Variants in MED13L observed in about 807,000 individuals in gnomAD.
MED13L encodes the protein mediator of RNA polymerase II transcription subunit 13-like.
Under a neutral mutation model 220.9 loss-of-function variants are expected in MED13L, and 7 were observed. That is an observed-to-expected ratio of 0.03 (90% CI 0.02 to 0.06). The LOEUF (loss-of-function observed/expected upper bound fraction) is 0.06. Ranked by LOEUF, MED13L falls within the 10% of genes least tolerant of loss-of-function variation. The pLI is 1.00. For missense variants in MED13L, 1,965 were observed against 2,760.5 expected (o/e 0.71, Z 6.46); for synonymous variants, 1,011 against 1,015.2 (o/e 1.00, Z 0.08).
At chr12:116,021,117 C>T (rs1193887750) in intron 5 of MED13L, among the ~76,000 whole-genome samples, 2 of 152,110 alleles carry the variant, frequency 1.3e-5, no homozygotes, top group Non-Finnish European at 2.9e-5. Context: ...AGGACAGCAA[C>T]TGCCTTAGTA....
At chr12:116,275,022 T>C (rs1873694827) in intron 1 of MED13L, among the ~76,000 whole-genome samples, 1 of 151,540 alleles carries the variant, frequency 6.6e-6, no homozygotes, top group Admixed American at 6.6e-5. Flanking sequence ...AAAGAAATGA[T>C]ATACCCTAAA....
At chr12:116,013,511 A>G (rs1245943115) in intron 8 of MED13L, among the ~76,000 whole-genome samples, 1 of 152,202 alleles carries the variant, frequency 6.6e-6, no homozygotes, top group Non-Finnish European at 1.5e-5. Flanking sequence ...CATCCCCAAG[A>G]TATCTCATTA....
At chr12:116,166,855 AT>A (rs1247366756) in intron 2 of MED13L, among the ~76,000 whole-genome samples, 1 of 152,242 alleles carries the variant, frequency 6.6e-6, no homozygotes, top group African/African-American at 2.4e-5. Flanking sequence ...ACAGAGAAGG[AT>A]TTTAAAAATA....
intron 2 of MED13L, among the ~76,000 whole-genome samples, chr12:116,169,882 G>C (rs1040604474): frequency 3.3e-5 from 5 of 152,086 alleles, no homozygotes; most frequent in African/African-American, 1.2e-4. Context: ...CAGGGCGTGT[G>C]GCATGCCACC....
chr12:116,111,463 C>A lies in MED13L; in HGVS notation c.360G>T (p.Thr120=). ...GATTGTGGATCGCTTTGAAGAGCAG[C>A]GTCCTACATTCATAGGAAAGGCCAT... ...WENGLSYECR[T]LLFKAIHNLL... Residue 120 remains threonine (T), a synonymous_variant, in exon 3 of 31, where the codon ACG becomes ACT. Transcript: ENST00000281928. The A allele has an allele frequency of 1.9e-6, 3 of 1,610,476 alleles. No homozygotes were observed.
intron 4 of MED13L, among the ~76,000 whole-genome samples, chr12:116,066,960 G>A (rs1869988770): frequency 6.6e-6 from 1 of 152,042 alleles, no homozygotes; most frequent in Non-Finnish European, 1.5e-5. Flanking sequence ...AATAAGAAAT[G>A]TACAACCAAC....
intron 2 of MED13L, among the ~76,000 whole-genome samples, chr12:116,165,564 C>T (rs1168623933): frequency 3.3e-5 from 5 of 151,762 alleles, no homozygotes; most frequent in Admixed American, 6.6e-5. Context: ...CTCCTTACCT[C>T]GTGATCCCCC....
chr12:115,997,024 G>A lies in MED13L; in HGVS notation c.2776C>T (p.Pro926Ser). 1 of 1,613,660 alleles carries A rather than the reference G, an allele frequency of 6.2e-7. No individual in the cohort carries two copies. The highest frequency in any genetic ancestry group is 8.5e-7 in the Non-Finnish European group (1 of 1,179,618). Reference sequence around the variant, plus strand: ...TTGACAACTACCTTAATTTCCTCGGGCTTGGGACTTCCTAATCCATCTTCC... The same window carrying A: ...TTGACAACTACCTTAATTTCCTCGGACTTGGGACTTCCTAATCCATCTTCC... ...EVEDGLGSPK[P>S]EEIKDFSYVH... The change falls in exon 15 of 31, where the codon CCC becomes TCC. Residue 926 changes from proline (P) to serine (S), a missense_variant. Pro to Ser is a moderately conservative substitution (Grantham distance 74). Coordinates refer to ENST00000281928, the MANE Select transcript of MED13L (RefSeq NM_015335.5).
intron 4 of MED13L, among the ~76,000 whole-genome samples, chr12:116,088,052 C>T (rs1173106851): frequency 2.6e-5 from 4 of 152,072 alleles, no homozygotes; most frequent in African/African-American, 9.7e-5. Context: ...ACCTGAGTTA[C>T]CAAATGCAGG....
At chr12:116,093,102 T>C (rs1020043006) in intron 4 of MED13L, among the ~76,000 whole-genome samples, 2 of 152,158 alleles carry the variant, frequency 1.3e-5, no homozygotes, top group Non-Finnish European at 2.9e-5. Flanking sequence ...AACAAATGCC[T>C]TCCCAAGAGA....
intron 25 of MED13L, 57 bp from the exon 26 acceptor site, chr12:115,972,293 T>G: frequency 6.3e-7 from 1 of 1,597,350 alleles, no homozygotes; most frequent in East Asian, 2.2e-5. Flanking sequence ...TGATGGGAGA[T>G]TTGAGCTTTT....
rs77457849 is a variant in MED13L at position 116,028,998 on chromosome 12, C to T, written c.480-6397G>A. Among the ~76,000 whole-genome samples, 1,129 of 152,222 alleles carry T rather than the reference C, an allele frequency of 7.4e-3. 20 individuals carry two copies. Among genetic ancestry groups the T allele is most frequent in the African/African-American group, 0.026 (1,060 of 41,524 alleles). On this transcript the variant is annotated intron_variant, in intron 4 of 30. Coordinates refer to ENST00000281928, the MANE Select transcript of MED13L (RefSeq NM_015335.5). Reference sequence around the variant, plus strand: ...CCTCAATTTGCTTCAGGTAACCCAACGCTGAAGCACCTCCTCTTGACCATG... The same window carrying T: ...CCTCAATTTGCTTCAGGTAACCCAATGCTGAAGCACCTCCTCTTGACCATG...
intron 2 of MED13L, among the ~76,000 whole-genome samples, chr12:116,172,848 A>C (rs1395915144): frequency 6.6e-6 from 1 of 151,222 alleles, no homozygotes; most frequent in Non-Finnish European, 1.5e-5. Flanking sequence ...ATTAGTTTCC[A>C]TCCTTCCTGC....
chr12:116,117,859 G>A (rs997470934), intron 2 of MED13L, among the ~76,000 whole-genome samples: 21 of 152,096 alleles, frequency 1.4e-4, no homozygotes, highest in African/African-American at 4.8e-4. Flanking sequence ...CCAGGCTAGA[G>A]TGCAGTTACA....
rs76301952 is a variant in MED13L at position 115,972,001 on chromosome 12, C to T, written c.5890+77G>A. 1,459 of 1,481,760 alleles carry T rather than the reference C, an allele frequency of 9.8e-4. 18 individuals are homozygous for T. In the African/African-American group the frequency reaches 0.018, roughly 18 times the overall value. 91.8% of individuals were successfully genotyped at this position (1,481,760 alleles called of 1,614,324 possible). A position where few individuals can be genotyped will look rare whatever the true frequency, so the allele number is the denominator to read the frequency against. On this transcript the variant is annotated intron_variant, in intron 26 of 30. Coordinates refer to ENST00000281928, the MANE Select transcript of MED13L (RefSeq NM_015335.5). ...GAAATATAATGAAGACAATTCTACC[C>T]TTGTCTGCGGACTTAAGTTTGAGTG...
intron 9 of MED13L, among the ~76,000 whole-genome samples, chr12:116,010,697 A>G (rs542323490): frequency 6.6e-5 from 10 of 152,234 alleles, no homozygotes; most frequent in African/African-American, 1.9e-4. Flanking sequence ...GAAATAGATC[A>G]TGACTAAAAG....
chr12:116,222,332 A>AT (rs893748168), intron 2 of MED13L, among the ~76,000 whole-genome samples: 2 of 152,110 alleles, frequency 1.3e-5, no homozygotes, highest in African/African-American at 4.8e-5. Context: ...TCCATTCCTT[A>AT]TTTTTACTTT....
intron 2 of MED13L, among the ~76,000 whole-genome samples, chr12:116,161,959 G>C (rs1167013616): frequency 6.6e-6 from 1 of 151,932 alleles, no homozygotes; most frequent in African/African-American, 2.4e-5. Flanking sequence ...GGGGGCAGGG[G>C]GGCAAAGAAA....
intron 2 of MED13L, among the ~76,000 whole-genome samples, chr12:116,115,548 T>C (rs1184993886): frequency 1.3e-5 from 2 of 152,050 alleles, no homozygotes; most frequent in Admixed American, 1.3e-4. Context: ...GGGAAAGTTA[T>C]GTTAAGCTAT....
Sources: allele counts gnomAD v4.1 joint callset (sites outside exome capture counted in the v4.1 genomes callset), GRCh38; gene constraint gnomAD v4.1.1; transcripts MANE v1.5; gene names NCBI Gene and HGNC (gene_info 2026-07-23, HGNC 2026-07-21).